NAALADL2: variants seen among roughly 807,000 people sequenced by gnomAD.
NAALADL2 encodes the protein N-acetylated alpha-linked acidic dipeptidase like 2.
In NAALADL2, 76 loss-of-function variants were observed where a neutral mutation model predicts 87.2. The observed-to-expected ratio is 0.87, with a 90% confidence interval of 0.72 to 1.05. The LOEUF (loss-of-function observed/expected upper bound fraction) is 1.05. NAALADL2 is among the 50% of genes least tolerant of loss of function. The probability of loss-of-function intolerance (pLI) is 0.00; values close to 1 mark genes in which losing one functional copy is unlikely to be tolerated. For synonymous variants in NAALADL2, 354 were observed against 331.0 expected (o/e 1.07, Z -0.75); for missense variants, 1,089 against 945.8 (o/e 1.15, Z -1.99).
At position 175,560,254 on chromosome 3, in the gene NAALADL2, A is replaced by C. The variant is rs1394341761; in HGVS notation, c.1654-15787A>C. Among the ~76,000 whole-genome samples, 14 of 152,150 alleles carry C rather than the reference A, an allele frequency of 9.2e-5. No homozygotes were observed. In the East Asian group the frequency reaches 2.7e-3, roughly 29 times the overall value. On this transcript the variant is annotated intron_variant, in intron 9 of 13. Transcript: ENST00000454872. ...ATAGTAGCCACTAATGATCCTGTAAATTTCTGTAGTATTAGTTATAATGTC... is the reference window on the plus strand; with the variant it reads ...ATAGTAGCCACTAATGATCCTGTAACTTTCTGTAGTATTAGTTATAATGTC...
intron 12 of NAALADL2, among the ~76,000 whole-genome samples, chr3:175,749,166 G>A (rs543074562): frequency 1.5e-4 from 17 of 109,840 alleles, no homozygotes; most frequent in African/African-American, 6.3e-4. Context: ...GGAGGGGAAG[G>A]GAGGGGAGGA....
At chr3:175,246,969 T>C (rs1239176822) in intron 3 of NAALADL2, among the ~76,000 whole-genome samples, 2 of 152,176 alleles carry the variant, frequency 1.3e-5, no homozygotes, top group African/African-American at 4.8e-5. Flanking sequence ...TCACAGAGGA[T>C]GTGGAGTATG....
intron 11 of NAALADL2, among the ~76,000 whole-genome samples, chr3:175,643,227 T>C (rs936286043): frequency 1.3e-5 from 2 of 152,192 alleles, no homozygotes; most frequent in African/African-American, 4.8e-5. Flanking sequence ...CATTATGCAT[T>C]ATGCATAATG....
rs1164702798 is a variant in NAALADL2, at chr3:174,984,114, A to T, written c.44-112676A>T. On this transcript the variant is annotated intron_variant, in intron 1 of 13. Coordinates refer to ENST00000454872, the MANE Select transcript of NAALADL2 (RefSeq NM_207015.3). Reference sequence around the variant, plus strand: ...ATAAAGAAGCGCTTGAGATGTTTTAAAAAAACACACACACAATAACAACGT... The same window carrying T: ...ATAAAGAAGCGCTTGAGATGTTTTATAAAAACACACACACAATAACAACGT... Among the ~76,000 whole-genome samples the T allele has an allele frequency of 2.0e-5, 3 of 152,130 alleles. No homozygotes were observed. The East Asian group carries it at 5.8e-4, about 29-fold the overall frequency.
chr3:175,722,847 T>C (rs1422071186), intron 11 of NAALADL2, among the ~76,000 whole-genome samples: 2 of 152,148 alleles, frequency 1.3e-5, no homozygotes, highest in African/African-American at 4.8e-5. Context: ...GCAAAAACCA[T>C]AGATGCACTA....
At chr3:174,569,618 G>A (rs1714685934) in intron 2 of NAALADL2, among the ~76,000 whole-genome samples, 1 of 152,028 alleles carries the variant, frequency 6.6e-6, no homozygotes, top group African/African-American at 2.4e-5. Context: ...AATACTGAGT[G>A]CCTGAGTTTT....
At chr3:175,483,379 C>CT (rs1726797763) in intron 9 of NAALADL2, among the ~76,000 whole-genome samples, 1 of 141,456 alleles carries the variant, frequency 7.1e-6, no homozygotes, top group African/African-American at 2.6e-5. Flanking sequence ...CTTTAAACAT[C>CT]TTTTTTCCTG....
At chr3:175,591,824 A>ATATG (rs1721523125) in intron 10 of NAALADL2, among the ~76,000 whole-genome samples, 2 of 108,754 alleles carry the variant, frequency 1.8e-5, no homozygotes, top group Non-Finnish European at 2.0e-5. Context: ...ATATATATAT[A>ATATG]TATGTATGAA....
In NAALADL2 at chr3:175,602,467, T is replaced by TAG. The variant is rs556252372; in HGVS notation, c.1801-24811_1801-24810dup. On this transcript the variant is annotated intron_variant, in intron 10 of 13. Coordinates refer to ENST00000454872, the MANE Select transcript of NAALADL2 (RefSeq NM_207015.3). ...ATTTGTATGTGTGTATCTATATATA[T>TAG]AGAGAGAGAGAGAGCGAGCTAAATA... is the stretch of plus-strand genomic sequence containing the variant. Among the ~76,000 whole-genome samples the TAG allele has an allele frequency of 2.4e-3, 341 of 142,468 alleles. 3 individuals carry two copies. In the East Asian group the frequency reaches 0.028, roughly 12 times the overall value. 93.5% of individuals were successfully genotyped at this position (142,468 alleles called of 152,430 possible). A position where few individuals can be genotyped will look rare whatever the true frequency, so the allele number is the denominator to read the frequency against.
intron 1 of NAALADL2, among the ~76,000 whole-genome samples, chr3:174,897,808 CA>C (rs1335389208): frequency 1.3e-5 from 2 of 152,032 alleles, no homozygotes; most frequent in Admixed American, 6.5e-5. Flanking sequence ...GAGTCCTATT[CA>C]GCCATAAAAA....
chr3:175,277,678 T>C (rs138084358), intron 4 of NAALADL2, among the ~76,000 whole-genome samples: 151 of 152,318 alleles, frequency 9.9e-4, no homozygotes, highest in Middle Eastern at 3.4e-3. Flanking sequence ...TGGTCTTTAC[T>C]GATCATAAAG....
At chr3:175,356,595 A>AATG in intron 5 of NAALADL2, among the ~76,000 whole-genome samples, 1 of 146,350 alleles carries the variant, frequency 6.8e-6, no homozygotes, top group Admixed American at 6.9e-5. Flanking sequence ...TAATAATAAT[A>AATG]ATAATAATAA....
chr3:174,703,296 T>A (rs1729731795), intron 2 of NAALADL2, among the ~76,000 whole-genome samples: 1 of 148,742 alleles, frequency 6.7e-6, no homozygotes, highest in African/African-American at 2.5e-5. Flanking sequence ...CATGCTACCA[T>A]GCCTGGCTTT....
intron 4 of NAALADL2, among the ~76,000 whole-genome samples, chr3:175,316,277 C>T (rs1344606465): frequency 6.6e-6 from 1 of 152,128 alleles, no homozygotes; most frequent in Non-Finnish European, 1.5e-5. Context: ...AAAAGGAGTA[C>T]AGCAGGACCT....
intron 1 of NAALADL2, among the ~76,000 whole-genome samples, chr3:175,058,273 A>G (rs962692332): frequency 3.9e-5 from 6 of 152,224 alleles, no homozygotes; most frequent in Admixed American, 3.9e-4. Flanking sequence ...ATAGCTGTCA[A>G]TCAATTCTAG....
chr3:175,694,666 G>A (rs555646627), intron 11 of NAALADL2, among the ~76,000 whole-genome samples: 6 of 152,170 alleles, frequency 3.9e-5, no homozygotes, highest in African/African-American at 1.4e-4. Context: ...ATTGCTAAGG[G>A]AAAATAACAT....
At chr3:175,499,425 T>C (rs75822670) in intron 9 of NAALADL2, among the ~76,000 whole-genome samples, 2 of 122,526 alleles carry the variant, frequency 1.6e-5, no homozygotes, top group African/African-American at 3.1e-5. Flanking sequence ...ATTAAACAAA[T>C]AAACATATAA....
At chr3:174,613,250 T>C (rs1182599785) in intron 2 of NAALADL2, among the ~76,000 whole-genome samples, 1 of 147,532 alleles carries the variant, frequency 6.8e-6, no homozygotes, top group Non-Finnish European at 1.5e-5. Context: ...GAAGCCAGCA[T>C]GGTACTGGGT....
At chr3:175,444,530 G>T (rs924621437) in intron 5 of NAALADL2, among the ~76,000 whole-genome samples, 2 of 152,058 alleles carry the variant, frequency 1.3e-5, no homozygotes, top group African/African-American at 4.8e-5. Flanking sequence ...AATTATGCAG[G>T]GCCTGGTACC....
Sources: allele counts gnomAD v4.1 joint callset (sites outside exome capture counted in the v4.1 genomes callset), GRCh38; gene constraint gnomAD v4.1.1; transcripts MANE v1.5; gene names NCBI Gene and HGNC (gene_info 2026-07-23, HGNC 2026-07-21).